The following C4orf51 variants were observed in gnomAD, a reference collection of about 807,000 sequenced individuals.
The protein encoded by C4orf51 is uncharacterized protein C4orf51.
Under a neutral mutation model 25.2 loss-of-function variants are expected in C4orf51, and 25 were observed. That is an observed-to-expected ratio of 0.99 (90% confidence interval 0.72 to 1.39). C4orf51 has a LOEUF of 1.39. Among genes scored for constraint, C4orf51 ranks in the 40% most tolerant of loss-of-function variants. The pLI is 0.00. For missense variants in C4orf51, 252 were observed against 239.6 expected, an observed-to-expected ratio of 1.05 and a Z score of -0.34; for synonymous variants, 100 against 84.5, an observed-to-expected ratio of 1.18 and a Z score of -1.01.
At chr4:145,691,738 C>G (rs1729577278) in intron 1 of C4orf51, among the ~76,000 whole-genome samples, 1 of 152,112 alleles carries the variant, frequency 6.6e-6, no homozygotes, top group Non-Finnish European at 1.5e-5. Context: ...AGTGGGTACA[C>G]ATGGACATAA....
chr4:145,758,507 A>T (rs1579050834), downstream of C4orf51: 1 of 152,336 alleles, frequency 6.6e-6, no homozygotes, highest in Middle Eastern at 3.4e-3. Context: ...GTCATCACTG[A>T]ACTTGTAGTT....
chr4:145,726,994 CT>C (rs752822243), intron 3 of C4orf51, 25 bp downstream of exon 3: 1 of 1,588,184 alleles, frequency 6.3e-7, no homozygotes, highest in Non-Finnish European at 8.6e-7. Context: ...TCTCAGCAAT[CT>C]CTTACCTGTA....
intron 2 of C4orf51, among the ~76,000 whole-genome samples, chr4:145,706,637 G>GT (rs1222811927): frequency 6.6e-6 from 1 of 151,934 alleles, no homozygotes; most frequent in African/African-American, 2.4e-5. Context: ...TGTTACAAAA[G>GT]AAAACAGATT....
At chr4:145,693,983 C>T (rs1729829002) in intron 1 of C4orf51, among the ~76,000 whole-genome samples, 2 of 134,552 alleles carry the variant, frequency 1.5e-5, no homozygotes, top group Admixed American at 7.2e-5. Flanking sequence ...CCTCACCTCT[C>T]AGACGGGGCA....
chr4:145,768,360 T>G (rs1041001039), intron 1 of C4orf51, among the ~76,000 whole-genome samples: 2 of 152,128 alleles, frequency 1.3e-5, no homozygotes, highest in Admixed American at 6.5e-5. Flanking sequence ...AGACAGGGTT[T>G]CACCATGTTG....
At chr4:145,736,429 G>A (rs1732805722), downstream of C4orf51, among the ~76,000 whole-genome samples, 1 of 152,016 alleles carries the variant, frequency 6.6e-6, no homozygotes, top group Non-Finnish European at 1.5e-5. Flanking sequence ...GACCTGATAG[G>A]GACTCTGTGA....
chr4:145,712,315 G>C (rs567910052), intron 2 of C4orf51, among the ~76,000 whole-genome samples: 1 of 152,310 alleles, frequency 6.6e-6, no homozygotes, highest in African/African-American at 2.4e-5. Context: ...CAAGACAGAT[G>C]AAAAGCTCAG....
chr4:145,783,114 C>A, the C4orf51 span, among the ~76,000 whole-genome samples: 1 of 152,156 alleles, frequency 6.6e-6, no homozygotes, highest in South Asian at 2.1e-4. Flanking sequence ...CCAGCATAGT[C>A]CAACGTGAAG....
intron 2 of C4orf51, among the ~76,000 whole-genome samples, chr4:145,704,910 G>C (rs558165826): frequency 6.6e-6 from 1 of 152,296 alleles, no homozygotes; most frequent in South Asian, 2.1e-4. Context: ...TGACTTGAGA[G>C]ATTACCTTGG....
intron 4 of C4orf51, among the ~76,000 whole-genome samples, chr4:145,729,507 TA>T (rs1329742912): frequency 6.6e-6 from 1 of 152,050 alleles, no homozygotes; most frequent in Non-Finnish European, 1.5e-5. Context: ...TTCACCGTGT[TA>T]GCCAGGATGG....
intron 1 of C4orf51, among the ~76,000 whole-genome samples, chr4:145,767,488 A>C (rs568268684): frequency 1.4e-3 from 206 of 152,298 alleles, no homozygotes; most frequent in African/African-American, 4.9e-3. Context: ...TTTGAGGAAA[A>C]TCATAAACCC....
intron 2 of C4orf51, among the ~76,000 whole-genome samples, chr4:145,716,842 G>A (rs1455958343): frequency 6.6e-6 from 1 of 152,200 alleles, no homozygotes; most frequent in Non-Finnish European, 1.5e-5. Context: ...AGGGTTTTAT[G>A]TGTTCCTCTG....
At chr4:145,751,921 T>C (rs1485512106) in intron 1 of C4orf51, among the ~76,000 whole-genome samples, 1 of 152,188 alleles carries the variant, frequency 6.6e-6, no homozygotes, top group African/African-American at 2.4e-5. Context: ...TAGCCACCAC[T>C]ACCATCACGT....
At chr4:145,702,962 T>TTC (rs1280178404) in intron 2 of C4orf51, among the ~76,000 whole-genome samples, 15 of 151,538 alleles carry the variant, frequency 9.9e-5, no homozygotes, top group African/African-American at 2.7e-4. Flanking sequence ...ACATCGCCCA[T>TTC]TCTCTCTCCA....
chr4:145,702,207 G>C (rs1224786534), intron 2 of C4orf51, among the ~76,000 whole-genome samples: 4 of 151,872 alleles, frequency 2.6e-5, no homozygotes, highest in Non-Finnish European at 5.9e-5. Context: ...ACCAGACAAG[G>C]CTTACAAGTT....
chr4:145,682,623 C>T (rs914753078), intron 1 of C4orf51, among the ~76,000 whole-genome samples: 1 of 152,124 alleles, frequency 6.6e-6, no homozygotes, highest in African/African-American at 2.4e-5. Flanking sequence ...ATTGAATATT[C>T]ATATTGTGTG....
At chr4:145,684,065 G>C (rs1332493990) in intron 1 of C4orf51, among the ~76,000 whole-genome samples, 1 of 152,140 alleles carries the variant, frequency 6.6e-6, no homozygotes, top group Admixed American at 6.5e-5. Flanking sequence ...AAAAAGAACT[G>C]TTATCGAAAA....
At chr4:145,779,854 G>C in the C4orf51 span, among the ~76,000 whole-genome samples, 49 of 152,354 alleles carry the variant, frequency 3.2e-4, no homozygotes, top group Non-Finnish European at 6.6e-4. Context: ...TGAGTTGCAT[G>C]TTAAAATTCC....
rs1735077373 is a variant in C4orf51, at chr4:145,765,068, A to G, written n.167-5920A>G. The stretch of plus-strand genomic sequence containing the variant: ...GGGTCTTCATGAACTTGTGGCACAC[A>G]TCACACTCAAACATCCGGGTGATGA... On this transcript the variant is annotated intron_variant and non_coding_transcript_variant, in intron 1 of 1. Coordinates refer to the C4orf51 transcript ENST00000510096. The surrounding 1 kb of genome is among the most constrained non-coding windows in gnomAD (Gnocchi z 4.7). 2 of 1,614,150 alleles carry G rather than the reference A, an allele frequency of 1.2e-6. No homozygotes were observed. The highest frequency in any genetic ancestry group is 1.6e-4 in the Middle Eastern group (1 of 6,084).
Sources: allele counts gnomAD v4.1 joint callset (sites outside exome capture counted in the v4.1 genomes callset), GRCh38; gene constraint gnomAD v4.1.1; non-coding constraint Gnocchi (gnomAD v3.1); transcripts MANE v1.5; gene names NCBI Gene and HGNC (gene_info 2026-07-23, HGNC 2026-07-21).